STX8: variants seen among roughly 807,000 people sequenced by gnomAD.
The protein encoded by STX8 is syntaxin 8, also known as syntaxin-8.
STX8 carries 23 observed loss-of-function variants against 37.5 expected under a neutral mutation model. That is an observed-to-expected ratio of 0.61 (90% CI 0.44 to 0.87). The LOEUF (loss-of-function observed/expected upper bound fraction) is 0.87, where lower values mean the gene tolerates loss of function less well. STX8 is among the 40% of genes least tolerant of loss of function. The pLI, the probability that STX8 is intolerant of heterozygous loss-of-function variation, is 0.00. For missense variants in STX8, 313 were observed against 284.7 expected (o/e 1.10, Z -0.71); for synonymous variants, 115 against 99.1 (o/e 1.16, Z -0.95).
chr17:9,332,802 T>A (rs150582574), intron 7 of STX8, among the ~76,000 whole-genome samples: 4 of 152,266 alleles, frequency 2.6e-5, no homozygotes, highest in African/African-American at 9.6e-5. Context: ...CCAACTGCAA[T>A]ATAAGCTCCC....
chr17:9,560,838 TA>T (rs1297762030), intron 2 of STX8, among the ~76,000 whole-genome samples: 3 of 152,124 alleles, frequency 2.0e-5, no homozygotes, highest in African/African-American at 7.2e-5. Context: ...ATAATGTTCA[TA>T]GGGGCCTTAA....
intron 6 of STX8, among the ~76,000 whole-genome samples, chr17:9,442,092 C>T (rs144297185): frequency 6.0e-4 from 92 of 152,326 alleles, no homozygotes; most frequent in African/African-American, 1.9e-3. Flanking sequence ...GAGCACCCCA[C>T]GTGTCTTCGA....
intron 6 of STX8, among the ~76,000 whole-genome samples, chr17:9,467,858 T>C (rs1257742758): frequency 2.6e-5 from 4 of 152,178 alleles, no homozygotes; most frequent in Admixed American, 6.5e-5. Flanking sequence ...TCTCCCACTA[T>C]TTTTACAAAT....
chr17:9,494,434 G>C (rs887620867), intron 5 of STX8, among the ~76,000 whole-genome samples: 1 of 151,556 alleles, frequency 6.6e-6, no homozygotes, highest in Non-Finnish European at 1.5e-5. Flanking sequence ...TTTGAGACCA[G>C]ACTGGGCAAC....
chr17:9,444,971 C>T (rs1904788362), intron 6 of STX8, among the ~76,000 whole-genome samples: 1 of 152,198 alleles, frequency 6.6e-6, no homozygotes, highest in South Asian at 2.1e-4. Context: ...GCAAGTCATT[C>T]CACCGTAGGT....
At chr17:9,280,114 C>T (rs969137146) in intron 7 of STX8, among the ~76,000 whole-genome samples, 5 of 152,056 alleles carry the variant, frequency 3.3e-5, no homozygotes, top group South Asian at 2.1e-4. Context: ...CCAGCTACTG[C>T]GAGGCAGGGG....
chr17:9,259,518 C>T (rs1486296472), intron 7 of STX8, among the ~76,000 whole-genome samples: 1 of 152,168 alleles, frequency 6.6e-6, no homozygotes, highest in Non-Finnish European at 1.5e-5. Context: ...CTCTCCGAGG[C>T]CCGGCGGTGA....
chr17:9,434,121 A>G (rs1028683297), intron 6 of STX8, among the ~76,000 whole-genome samples: 1 of 152,104 alleles, frequency 6.6e-6, no homozygotes, highest in Non-Finnish European at 1.5e-5. Flanking sequence ...CTCCTGCCTC[A>G]GCCTCCTGAG....
chr17:9,561,612 G>A (rs1907234755), intron 2 of STX8, among the ~76,000 whole-genome samples: 1 of 122,054 alleles, frequency 8.2e-6, no homozygotes, highest in South Asian at 2.8e-4. Flanking sequence ...AGTGAGCCGA[G>A]ATTGTGCCAT....
chr17:9,410,367 T>C (rs1912939920), intron 6 of STX8, among the ~76,000 whole-genome samples: 1 of 152,238 alleles, frequency 6.6e-6, no homozygotes, highest in Non-Finnish European at 1.5e-5. Context: ...TACGTTTCCT[T>C]CCTTAACATT....
At chr17:9,480,717 T>C (rs1251157962) in intron 6 of STX8, among the ~76,000 whole-genome samples, 19 of 152,086 alleles carry the variant, frequency 1.2e-4, no homozygotes, top group Admixed American at 1.2e-3. Flanking sequence ...ACTCCATGAA[T>C]CCTAGCAGCC....
chr17:9,420,989 A>G (rs555647695), intron 6 of STX8, among the ~76,000 whole-genome samples: 93 of 152,288 alleles, frequency 6.1e-4, no homozygotes, highest in Non-Finnish European at 1.1e-3. Flanking sequence ...CTCCCTTGAA[A>G]TGAAGAAACG....
At chr17:9,422,598 T>A (rs1454005560) in intron 6 of STX8, among the ~76,000 whole-genome samples, 1 of 152,284 alleles carries the variant, frequency 6.6e-6, no homozygotes, top group Non-Finnish European at 1.5e-5. Context: ...GTTTTCAAGG[T>A]TCATCCGTGT....
chr17:9,261,990 C>A (rs1350654687), intron 7 of STX8, among the ~76,000 whole-genome samples: 1 of 152,142 alleles, frequency 6.6e-6, no homozygotes, highest in Middle Eastern at 3.2e-3. Flanking sequence ...GCATTACAAA[C>A]CCCTCCGTTT....
intron 6 of STX8, among the ~76,000 whole-genome samples, chr17:9,488,819 AGAGTGTGTGTGT>A (rs1465194402): frequency 1.1e-5 from 1 of 92,430 alleles, no homozygotes; most frequent in Non-Finnish European, 2.6e-5. Flanking sequence ...AGAGAGAGAG[AGAGTGTGTGTGT>A]GTGTGTGTGT....
chr17:9,294,269 T>G (rs1342833246), intron 7 of STX8, among the ~76,000 whole-genome samples: 1 of 152,158 alleles, frequency 6.6e-6, no homozygotes, highest in African/African-American at 2.4e-5. Context: ...AGATATGAAG[T>G]CTGGCTGGAA....
At chr17:9,344,793 G>A (rs1172549078) in intron 7 of STX8, among the ~76,000 whole-genome samples, 2 of 152,078 alleles carry the variant, frequency 1.3e-5, no homozygotes, top group African/African-American at 4.8e-5. Flanking sequence ...CAAACTAAGC[G>A]ACTCTAAAAG....
intron 2 of STX8, among the ~76,000 whole-genome samples, chr17:9,559,937 T>C (rs1028415194): frequency 1.2e-4 from 18 of 148,628 alleles, no homozygotes; most frequent in Middle Eastern, 3.4e-3. Flanking sequence ...AATTTTTGTA[T>C]TTTTAGTAGA....
chr17:9,516,240 G>GA (rs1318147750), intron 4 of STX8, among the ~76,000 whole-genome samples: 86 of 135,834 alleles, frequency 6.3e-4, no homozygotes, highest in Admixed American at 2.0e-3. Flanking sequence ...TATTCAAGGG[G>GA]AAAAAATGTA....
Sources: allele counts gnomAD v4.1 joint callset (sites outside exome capture counted in the v4.1 genomes callset), GRCh38; gene constraint gnomAD v4.1.1; transcripts MANE v1.5; gene names NCBI Gene and HGNC (gene_info 2026-07-23, HGNC 2026-07-21).